The following EPHA6 variants were observed in gnomAD, a reference collection of about 807,000 sequenced individuals.
The protein encoded by EPHA6 is ephrin type-A receptor 6.
A neutral mutation model predicts 112.0 loss-of-function variants in EPHA6; 50 were observed. The observed-to-expected ratio is 0.45, with a 90% confidence interval of 0.36 to 0.56. The LOEUF is 0.56. EPHA6 is among the 20% of genes least tolerant of loss of function. The probability of loss-of-function intolerance (pLI) is 0.00; values close to 1 mark genes in which losing one functional copy is unlikely to be tolerated. For missense variants in EPHA6, 1,280 were observed against 1,417.4 expected, an observed-to-expected ratio of 0.90 and a Z score of 1.56; for synonymous variants, 529 against 490.7, an observed-to-expected ratio of 1.08 and a Z score of -1.03.
chr3:97,620,356 G>A (rs751275462), intron 13 of EPHA6, among the ~76,000 whole-genome samples: 15 of 151,826 alleles, frequency 9.9e-5, no homozygotes, highest in Non-Finnish European at 1.5e-4. Flanking sequence ...AGATAGGCAC[G>A]GCCAAAAATT....
chr3:96,818,062 A>G (rs2032943126), intron 1 of EPHA6, among the ~76,000 whole-genome samples: 1 of 151,956 alleles, frequency 6.6e-6, no homozygotes, highest in African/African-American at 2.4e-5. Flanking sequence ...CTCATAGTCA[A>G]TTAATTTTCC....
chr3:97,123,446 C>G (rs2048098996), intron 3 of EPHA6, among the ~76,000 whole-genome samples: 1 of 152,042 alleles, frequency 6.6e-6, no homozygotes, highest in Non-Finnish European at 1.5e-5. Context: ...CTGTCTTTCC[C>G]TTAAATTTAG....
At chr3:97,589,132 G>T (rs1361421567) in intron 11 of EPHA6, among the ~76,000 whole-genome samples, 1 of 151,654 alleles carries the variant, frequency 6.6e-6, no homozygotes, top group Non-Finnish European at 1.5e-5. Flanking sequence ...AAAATATTAT[G>T]AGGTTGTATT....
chr3:97,248,675 T>C (rs1420317038), intron 5 of EPHA6, among the ~76,000 whole-genome samples: 4 of 152,142 alleles, frequency 2.6e-5, no homozygotes, highest in Admixed American at 2.6e-4. Context: ...TGCCCTTAAG[T>C]GACCATTCTG....
chr3:96,814,746 G>A lies in EPHA6; in HGVS notation c.123G>A (p.Ser41=), dbSNP rs761268918. 8 of 1,591,258 alleles carry A rather than the reference G, an allele frequency of 5.0e-6. No homozygotes were observed. The South Asian group carries it at 7.9e-5, about 16-fold the overall frequency. ...PGPSCPVPGT[S]RRGRPGTPPA... is the part of the protein sequence containing the mutation. ...CCTCGTGCCCTGTTCCCGGGACCTCGCGCAGGGGGCGCCCCGGGACACCCC... is the reference window on the plus strand; with the variant it reads ...CCTCGTGCCCTGTTCCCGGGACCTCACGCAGGGGGCGCCCCGGGACACCCC... Residue 41 remains serine, a synonymous_variant, in exon 1 of 18, where the codon TCG becomes TCA. Transcript: ENST00000389672.
chr3:97,279,497 A>G (rs1304783656), intron 5 of EPHA6, among the ~76,000 whole-genome samples: 1 of 151,574 alleles, frequency 6.6e-6, no homozygotes, highest in African/African-American at 2.4e-5. Context: ...TAGGAAATCT[A>G]TTTAAAAAAA....
intron 14 of EPHA6, among the ~76,000 whole-genome samples, chr3:97,641,642 G>A (rs2094005893): frequency 6.6e-6 from 1 of 152,228 alleles, no homozygotes; most frequent in African/African-American, 2.4e-5. Flanking sequence ...AGCGCAAGGG[G>A]TCGGAGTTCC....
chr3:97,448,754 C>A (rs763863039), intron 7 of EPHA6, 24 bp downstream of exon 7: 4 of 1,609,842 alleles, frequency 2.5e-6, no homozygotes, highest in Non-Finnish European at 3.4e-6. Context: ...AAGGATATAA[C>A]ATAAGATGTG....
intron 15 of EPHA6, among the ~76,000 whole-genome samples, chr3:97,727,150 A>G (rs958214409): frequency 2.0e-5 from 3 of 152,130 alleles, no homozygotes; most frequent in Middle Eastern, 3.4e-3. Flanking sequence ...ATTTCATTTG[A>G]GGTTTACTAG....
chr3:97,591,917 C>A (rs1018570343), intron 11 of EPHA6, among the ~76,000 whole-genome samples: 1 of 152,118 alleles, frequency 6.6e-6, no homozygotes, highest in East Asian at 1.9e-4. Flanking sequence ...GATCTCTACA[C>A]TGTTATTTCG....
chr3:97,157,625 C>CA (rs112478124), intron 3 of EPHA6, among the ~76,000 whole-genome samples: 12,168 of 152,038 alleles, frequency 0.08, 787 homozygotes, highest in Admixed American at 0.22. Flanking sequence ...GCTGGAGACC[C>CA]AGGACAGCCT....
intron 3 of EPHA6, among the ~76,000 whole-genome samples, chr3:96,994,813 G>T (rs28428481): frequency 0.24 from 34,439 of 140,968 alleles, 6,397 homozygotes; most frequent in African/African-American, 0.52. Flanking sequence ...TATATATATA[G>T]AGAGAGAGAG....
chr3:97,424,664 G>A (rs2088955399), intron 6 of EPHA6, among the ~76,000 whole-genome samples: 1 of 151,928 alleles, frequency 6.6e-6, no homozygotes, highest in Non-Finnish European at 1.5e-5. Context: ...AAATTAGCCA[G>A]GCATTGTGGT....
intron 5 of EPHA6, among the ~76,000 whole-genome samples, chr3:97,364,748 T>A (rs567379906): frequency 1.3e-5 from 2 of 152,242 alleles, no homozygotes; most frequent in South Asian, 4.1e-4. Context: ...TTAGAATATG[T>A]TTGGAATTTA....
intron 3 of EPHA6, among the ~76,000 whole-genome samples, chr3:97,205,122 G>A (rs1435579252): frequency 1.3e-5 from 2 of 151,992 alleles, no homozygotes; most frequent in Admixed American, 1.3e-4. Context: ...ATGTAGAAAG[G>A]CTTGTTTCTT....
At chr3:97,116,726 AT>A (rs757870899) in intron 3 of EPHA6, among the ~76,000 whole-genome samples, 5 of 151,484 alleles carry the variant, frequency 3.3e-5, no homozygotes, top group Admixed American at 1.3e-4. Context: ...ATTTTTATAC[AT>A]TTGTCTGTCA....
At chr3:97,581,125 T>C (rs2093433732) in intron 11 of EPHA6, among the ~76,000 whole-genome samples, 1 of 152,180 alleles carries the variant, frequency 6.6e-6, no homozygotes, top group Non-Finnish European at 1.5e-5. Flanking sequence ...GTCTCTTAAA[T>C]ACATAAATGA....
intron 5 of EPHA6, among the ~76,000 whole-genome samples, chr3:97,377,061 T>C (rs1427758741): frequency 6.6e-6 from 1 of 152,188 alleles, no homozygotes; most frequent in East Asian, 1.9e-4. Flanking sequence ...ATCTTGGAGA[T>C]AATCCATTAA....
intron 2 of EPHA6, among the ~76,000 whole-genome samples, chr3:96,868,371 A>C (rs2036446774): frequency 6.6e-6 from 1 of 151,938 alleles, no homozygotes; most frequent in Non-Finnish European, 1.5e-5. Context: ...GGAACTATTC[A>C]GTAAGGATGA....
Sources: gnomAD v4.1 joint callset for allele counts (sites outside exome capture counted in the v4.1 genomes callset) on GRCh38, gnomAD v4.1.1 for gene constraint, MANE v1.5 for transcripts, NCBI Gene and HGNC (gene_info 2026-07-23, HGNC 2026-07-21) for gene names.